The following AAAS variants were observed in gnomAD, a reference collection of about 807,000 sequenced individuals.
AAAS encodes aladin WD repeat nucleoporin, also known as aladin.
AAAS carries 60 observed loss-of-function variants against 75.6 expected under a neutral mutation model. The observed-to-expected ratio is 0.79, with a 90% confidence interval of 0.64 to 0.98. The LOEUF is 0.98. Among genes scored for constraint, AAAS ranks in the 50% least tolerant of loss-of-function variants. AAAS has a pLI of 0.00. For synonymous variants in AAAS, 271 were observed against 265.0 expected (o/e 1.02, Z -0.22); for missense variants, 658 against 686.9 (o/e 0.96, Z 0.47).
At chr12:53,315,493 G>A in intron 3 of AAAS, 67 bp from the exon 4 acceptor site, 1 of 1,444,368 alleles carries the variant, frequency 6.9e-7, no homozygotes, top group African/African-American at 1.4e-5. Context: ...CCTTCTAGGT[G>A]AAAGACAAGG....
intron 10 of AAAS, 61 bp downstream of exon 10, chr12:53,308,899 C>T (rs1036729906): frequency 1.2e-6 from 2 of 1,613,088 alleles, no homozygotes; most frequent in Non-Finnish European, 8.5e-7. Context: ...GGTTTGGGAG[C>T]ATCAGGGGCC....
Position 53,318,243 on chromosome 12 carries a change from T to TGTGTGTGTGC in AAAS, c.251+2321_251+2322insGCACACACAC, listed in dbSNP as rs752221609. Reference sequence around the variant, plus strand: ...GTTTCAGTGTGTGTGTGTGTGTGTGTGCGTGTGTGTGTGTGTGTGTGTGTG... The same window carrying TGTGTGTGTGC: ...GTTTCAGTGTGTGTGTGTGTGTGTGTGTGTGTGTGCGCGTGTGTGTGTGTGTGTGTGTGTG... On this transcript the variant is annotated intron_variant, in intron 2 of 15. Coordinates refer to ENST00000209873, the MANE Select transcript of AAAS (RefSeq NM_015665.6). Among the ~76,000 whole-genome samples the TGTGTGTGTGC allele has an allele frequency of 5.1e-3, 609 of 119,056 alleles. 5 individuals are homozygous for TGTGTGTGTGC. Among genetic ancestry groups the TGTGTGTGTGC allele is most frequent in the East Asian group, 0.041 (186 of 4,498 alleles). The allele number at this position is 119,056 out of a possible 152,430, so 78.1% of individuals were successfully genotyped here. A position where few individuals can be genotyped will look rare whatever the true frequency, so the allele number is the denominator to read the frequency against.
chr12:53,317,412 C>G (rs1194178860), intron 2 of AAAS, among the ~76,000 whole-genome samples: 2 of 151,056 alleles, frequency 1.3e-5, no homozygotes, highest in African/African-American at 4.9e-5. Context: ...AAAAAATTAG[C>G]CAGGTGTGGT....
At chr12:53,308,556 C>T (rs1944333375) in intron 11 of AAAS, 28 bp from the exon 12 acceptor site, 2 of 1,613,848 alleles carry the variant, frequency 1.2e-6, no homozygotes, top group Non-Finnish European at 1.7e-6. Flanking sequence ...CAGAGAGGTT[C>T]TTGCAAGAAA....
rs1283745421 is a variant in AAAS at position 53,308,366 on chromosome 12, G to C, written c.1182-17C>G. The C allele has an allele frequency of 6.2e-7, 1 of 1,614,174 alleles. No homozygotes were observed. The highest frequency in any genetic ancestry group is 8.5e-7 in the Non-Finnish European group (1 of 1,180,020). ...CCCCCAAGCCTGTGGGTAAGGACAG[G>C]TTAGGAGAGTTTCAGTGTGGTCCCT... On this transcript the variant is annotated splice_polypyrimidine_tract_variant and intron_variant, in intron 12 of 15. Coordinates refer to ENST00000209873, the MANE Select transcript of AAAS (RefSeq NM_015665.6).
At position 53,308,075 on chromosome 12, in the gene AAAS, G is replaced by A. The variant is rs765293887; in HGVS notation, c.1308C>T (p.Ser436=). 7 of 1,614,102 alleles carry A rather than the reference G, an allele frequency of 4.3e-6. No homozygotes were observed. In the African/African-American group the frequency reaches 8.0e-5, roughly 18 times the overall value. The change falls in exon 14 of 16, where the codon AGC becomes AGT. Residue 436 remains serine (S), a synonymous_variant. Coordinates refer to ENST00000209873, the MANE Select transcript of AAAS (RefSeq NM_015665.6). The part of the protein sequence containing the change: ...PVILLFRTRN[S]PVFELLPCGI... ...ACCAGGGAAGGAGCTCAAACACAGG[G>A]CTGTTTCGAGTGCGAAAAAGGAGGA...
At chr12:53,320,805 T>C in intron 1 of AAAS, 113 bp from the exon 2 acceptor site, 1 of 1,254,146 alleles carries the variant, frequency 8.0e-7, no homozygotes, top group South Asian at 1.3e-5. Context: ...CAGAGGTCTG[T>C]TTCCCATTTC....
At chr12:53,314,154 A>C in intron 7 of AAAS, 144 bp downstream of exon 7, 1 of 1,231,958 alleles carries the variant, frequency 8.1e-7, no homozygotes, top group South Asian at 1.2e-5. Context: ...TCAGCAACCC[A>C]CCTTGATCTT....
intron 2 of AAAS, among the ~76,000 whole-genome samples, chr12:53,318,405 G>A (rs574163263): frequency 3.3e-4 from 50 of 152,138 alleles, no homozygotes; most frequent in African/African-American, 1.1e-3. Flanking sequence ...TACACACGGA[G>A]TTTCACCACA....
intron 7 of AAAS, chr12:53,309,946 G>GC (rs1944360970): frequency 1.6e-6 from 1 of 638,350 alleles, no homozygotes; most frequent in African/African-American, 1.8e-5. Context: ...GAGGTAATCT[G>GC]CAAGGTCTCA....
intron 2 of AAAS, among the ~76,000 whole-genome samples, chr12:53,318,294 TCACC>T (rs1447950000): frequency 6.6e-6 from 1 of 151,442 alleles, no homozygotes; most frequent in African/African-American, 2.4e-5. Flanking sequence ...TCTCACTCTG[TCACC>T]CAGGCTGGAG....
intron 7 of AAAS, among the ~76,000 whole-genome samples, chr12:53,313,651 C>T (rs1473115907): frequency 1.3e-5 from 2 of 151,296 alleles, no homozygotes; most frequent in East Asian, 3.9e-4. Context: ...CTCTGTTGCC[C>T]AGGCTGGAGT....
intron 2 of AAAS, among the ~76,000 whole-genome samples, chr12:53,318,279 C>T (rs1053787580): frequency 5.9e-5 from 6 of 101,316 alleles, no homozygotes; most frequent in South Asian, 6.7e-4. Context: ...TGTGTTAAGA[C>T]GGAGTCTCAC....
At chr12:53,317,013 G>T (rs969458600) in intron 2 of AAAS, among the ~76,000 whole-genome samples, 1 of 151,748 alleles carries the variant, frequency 6.6e-6, no homozygotes, top group Non-Finnish European at 1.5e-5. Flanking sequence ...AGCCCTGGGG[G>T]CTGACAATGC....
At chr12:53,313,940 T>G (rs1944428126) in intron 7 of AAAS, among the ~76,000 whole-genome samples, 1 of 152,176 alleles carries the variant, frequency 6.6e-6, no homozygotes, top group Non-Finnish European at 1.5e-5. Flanking sequence ...GTTTCTGGTT[T>G]TATTTTTAGT....
chr12:53,315,208 G>T, intron 4 of AAAS, 68 bp from the exon 5 acceptor site: 1 of 1,604,036 alleles, frequency 6.2e-7, no homozygotes, highest in South Asian at 1.1e-5. Flanking sequence ...TATTCCAACA[G>T]GGGAGCTGGA....
intron 2 of AAAS, among the ~76,000 whole-genome samples, chr12:53,317,813 GAA>G (rs1455752801): frequency 1.3e-5 from 2 of 151,842 alleles, no homozygotes; most frequent in African/African-American, 4.8e-5. Flanking sequence ...TGGGGATGAA[GAA>G]AAAGAGACAG....
intron 2 of AAAS, among the ~76,000 whole-genome samples, chr12:53,318,981 T>G (rs1312163261): frequency 6.6e-6 from 1 of 152,176 alleles, no homozygotes. Flanking sequence ...CCCATTAAAC[T>G]GTACTGAAGT....
chr12:53,315,409 T>C lies in AAAS; in HGVS notation c.325A>G (p.Thr109Ala). The C allele has an allele frequency of 2.5e-6, 4 of 1,613,380 alleles. No homozygotes were observed. Among genetic ancestry groups the C allele is most frequent in the Non-Finnish European group, 1.7e-6 (2 of 1,179,942 alleles). The part of the protein sequence containing the change: ...SEEEVFEWVK[T>A]ASGWALALCR... The stretch of plus-strand genomic sequence containing the variant: ...AGTGCCAGGGCCCAGCCGGATGCCG[T>C]CTTCACCCACTCAAACACTGTAGGG... Residue 109 changes from threonine to alanine, a missense_variant, in exon 4 of 16, where the codon ACG becomes GCG. Thr to Ala is a moderately conservative substitution (Grantham distance 58). Coordinates refer to ENST00000209873, the MANE Select transcript of AAAS (RefSeq NM_015665.6).
Sources: gnomAD v4.1 joint callset for allele counts (sites outside exome capture counted in the v4.1 genomes callset) on GRCh38, gnomAD v4.1.1 for gene constraint, MANE v1.5 for transcripts, NCBI Gene and HGNC (gene_info 2026-07-23, HGNC 2026-07-21) for gene names.